SYNPR: variants seen among roughly 807,000 people sequenced by gnomAD.
SYNPR encodes the protein synaptoporin.
Under a neutral mutation model 32.9 loss-of-function variants are expected in SYNPR, and 23 were observed. The ratio of observed to expected loss-of-function variants is 0.70; its 90% confidence interval spans 0.50 to 0.99. The LOEUF is 0.99. Among genes scored for constraint, SYNPR ranks in the 50% least tolerant of loss-of-function variants. SYNPR has a pLI of 0.00. For synonymous variants in SYNPR, 146 were observed against 135.9 expected (o/e 1.07, Z -0.52); for missense variants, 318 against 349.3 (o/e 0.91, Z 0.71).
chr3:63,265,727 C>T (rs182887426), intron 2 of SYNPR, among the ~76,000 whole-genome samples: 7 of 152,166 alleles, frequency 4.6e-5, no homozygotes, highest in Admixed American at 4.6e-4. Context: ...ATGTAGGAAG[C>T]AGGAAAATTT....
Position 63,567,050 on chromosome 3 carries a change from C to T in SYNPR, c.408+10309C>T, listed in dbSNP as rs546486634. Reference sequence around the variant, plus strand: ...TATTGTCCTGTTTACATCAAATGTTCTTCTATATTATTTTTTGTTCTCTGA... The same window carrying T: ...TATTGTCCTGTTTACATCAAATGTTTTTCTATATTATTTTTTGTTCTCTGA... On this transcript the variant is annotated intron_variant, in intron 4 of 5. Transcript: ENST00000478300. Among the ~76,000 whole-genome samples, 22 of 152,158 alleles carry T rather than the reference C, an allele frequency of 1.4e-4. No individual in the cohort carries two copies. The South Asian group carries it at 4.6e-3, about 32-fold the overall frequency.
chr3:63,481,449 A>ATGTGTGTGTGTG (rs200642486), intron 3 of SYNPR, among the ~76,000 whole-genome samples: 21 of 147,940 alleles, frequency 1.4e-4, no homozygotes, highest in South Asian at 8.6e-4. Flanking sequence ...ATATATATAT[A>ATGTGTGTGTGTG]TATGTGTGTG....
At chr3:63,344,377 C>CT (rs960404141) in intron 2 of SYNPR, among the ~76,000 whole-genome samples, 3 of 151,786 alleles carry the variant, frequency 2.0e-5, no homozygotes, top group East Asian at 1.9e-4. Flanking sequence ...AGAAGTGCTG[C>CT]TTTTTTTTCT....
At chr3:63,603,982 C>T (rs1009093467) in intron 4 of SYNPR, among the ~76,000 whole-genome samples, 1 of 152,204 alleles carries the variant, frequency 6.6e-6, no homozygotes, top group East Asian at 1.9e-4. Flanking sequence ...TGGTCCTGGG[C>T]TTTTACTGAT....
chr3:63,450,112 T>C (rs1352185091), intron 2 of SYNPR, among the ~76,000 whole-genome samples: 1 of 152,208 alleles, frequency 6.6e-6, no homozygotes, highest in Non-Finnish European at 1.5e-5. Flanking sequence ...CAGGCTTGGC[T>C]TTCTTACTCA....
intron 3 of SYNPR, among the ~76,000 whole-genome samples, chr3:63,512,063 T>C (rs79308402): frequency 0.044 from 6,645 of 152,144 alleles, 230 homozygotes; most frequent in East Asian, 0.18. Flanking sequence ...AGCGAGTAAT[T>C]AGGACTCTTT....
chr3:63,329,037 C>G (rs2087196339), intron 2 of SYNPR, among the ~76,000 whole-genome samples: 2 of 152,144 alleles, frequency 1.3e-5, no homozygotes, highest in South Asian at 4.1e-4. Context: ...TAGGAGCAGT[C>G]TCCTAGTTCT....
At chr3:63,240,621 G>C (rs1370738327) in intron 1 of SYNPR, among the ~76,000 whole-genome samples, 1 of 152,142 alleles carries the variant, frequency 6.6e-6, no homozygotes, top group Non-Finnish European at 1.5e-5. Flanking sequence ...ACTTATCCAA[G>C]AAGCTATTGT....
intron 2 of SYNPR, among the ~76,000 whole-genome samples, chr3:63,367,012 T>C (rs888090634): frequency 9.9e-5 from 15 of 152,220 alleles, no homozygotes; most frequent in Non-Finnish European, 1.8e-4. Flanking sequence ...CTATGCACAC[T>C]ATATGTTTAA....
intron 2 of SYNPR, among the ~76,000 whole-genome samples, chr3:63,398,486 C>G (rs560958851): frequency 1.3e-5 from 2 of 151,678 alleles, no homozygotes; most frequent in Non-Finnish European, 2.9e-5. Context: ...TTTGGGAGGC[C>G]AAGGCGGGCA....
At chr3:63,229,120 T>G (rs542157324) in intron 1 of SYNPR, among the ~76,000 whole-genome samples, 6 of 152,212 alleles carry the variant, frequency 3.9e-5, no homozygotes, top group Non-Finnish European at 8.8e-5. Context: ...AATCCTGATA[T>G]GACCACTGAT....
At chr3:63,517,417 A>C (rs1701820665) in intron 3 of SYNPR, among the ~76,000 whole-genome samples, 1 of 152,144 alleles carries the variant, frequency 6.6e-6, no homozygotes, top group African/African-American at 2.4e-5. Context: ...AGTAGAGAAC[A>C]GTATCATTAA....
chr3:63,516,210 T>C (rs1455983991), intron 3 of SYNPR, among the ~76,000 whole-genome samples: 2 of 152,094 alleles, frequency 1.3e-5, no homozygotes, highest in African/African-American at 4.8e-5. Flanking sequence ...CTGCCCATCA[T>C]GGTTTTGGTT....
chr3:63,482,912 C>T (rs17068749), intron 3 of SYNPR, among the ~76,000 whole-genome samples: 3,277 of 152,032 alleles, frequency 0.022, 48 homozygotes, highest in African/African-American at 0.035. Context: ...AGAAGAAGTA[C>T]GGTTAGCAAG....
At chr3:63,234,729 T>C (rs2106875764) in intron 1 of SYNPR, among the ~76,000 whole-genome samples, 1 of 152,328 alleles carries the variant, frequency 6.6e-6, no homozygotes, top group African/African-American at 2.4e-5. Context: ...GAGTTTTTGT[T>C]ACTAGAAAGT....
chr3:63,604,960 T>A (rs1445353416), intron 4 of SYNPR, among the ~76,000 whole-genome samples: 2 of 152,242 alleles, frequency 1.3e-5, no homozygotes, highest in African/African-American at 4.8e-5. Flanking sequence ...TATGTAATGT[T>A]ATATACATCA....
intron 4 of SYNPR, among the ~76,000 whole-genome samples, chr3:63,593,436 G>C (rs955101384): frequency 6.6e-6 from 1 of 152,090 alleles, no homozygotes; most frequent in African/African-American, 2.4e-5. Context: ...CTTGCACCAA[G>C]ATTATAAAAT....
At chr3:63,522,144 G>A (rs1216400039) in intron 3 of SYNPR, among the ~76,000 whole-genome samples, 1 of 152,214 alleles carries the variant, frequency 6.6e-6, no homozygotes, top group Admixed American at 6.5e-5. Flanking sequence ...CATAATGCTT[G>A]TAAAGTGCTG....
chr3:63,570,512 C>G (rs554817148), intron 4 of SYNPR, among the ~76,000 whole-genome samples: 1 of 152,258 alleles, frequency 6.6e-6, no homozygotes, highest in African/African-American at 2.4e-5. Context: ...TGTAAAAATT[C>G]CTATTCTGCA....
Sources: gnomAD v4.1 joint callset for allele counts (sites outside exome capture counted in the v4.1 genomes callset) on GRCh38, gnomAD v4.1.1 for gene constraint, MANE v1.5 for transcripts, NCBI Gene and HGNC (gene_info 2026-07-23, HGNC 2026-07-21) for gene names.